The following EYS variants were observed in gnomAD, a reference collection of about 807,000 sequenced individuals.
EYS encodes EGF-like photoreceptor maintenance factor, also known as protein eyes shut homolog.
Under a neutral mutation model 282.1 loss-of-function variants are expected in EYS, and 250 were observed. The ratio of observed to expected loss-of-function variants is 0.89; its 90% CI spans 0.80 to 0.98. The LOEUF (loss-of-function observed/expected upper bound fraction) is 0.98. EYS is among the 50% of genes least tolerant of loss of function. The probability of loss-of-function intolerance (pLI) is 0.00; values close to 1 mark genes in which losing one functional copy is unlikely to be tolerated. For missense variants in EYS, 4,016 were observed against 3,709.0 expected (o/e 1.08, Z -2.15); for synonymous variants, 1,355 against 1,282.9 (o/e 1.06, Z -1.20).
chr6:64,822,525 A>C, intron 20 of EYS, 126 bp downstream of exon 20: 1 of 770,398 alleles, frequency 1.3e-6, no homozygotes, highest in South Asian at 2.1e-5. Flanking sequence ...TCTTAAATGT[A>C]CTTAGCTCTT....
chr6:64,421,861 G>A (rs4098453), intron 28 of EYS, among the ~76,000 whole-genome samples: 6,957 of 64,102 alleles, frequency 0.11, 209 homozygotes, highest in African/African-American at 0.21. Flanking sequence ...TGTTTGGGGG[G>A]TGTGTGTGTG....
chr6:64,515,740 T>C lies in EYS; in HGVS notation c.5644+74483A>G, dbSNP rs190767001. 9.2e-5 allele frequency among the ~76,000 whole-genome samples: 14 copies of C among 151,730 alleles called. No homozygotes were observed. The East Asian group carries it at 2.7e-3, about 29-fold the overall frequency. ...CTAAATTTCCACTTAATATAATTTT[T>C]TAAAGAAATTAATACATTTTTAAAA... On this transcript the variant is annotated intron_variant, in intron 26 of 42. Coordinates refer to ENST00000503581, the MANE Select transcript of EYS (RefSeq NM_001142800.2).
At chr6:64,347,964 T>C (rs113813003) in intron 29 of EYS, among the ~76,000 whole-genome samples, 2,000 of 151,476 alleles carry the variant, frequency 0.013, 42 homozygotes, top group African/African-American at 0.045. Context: ...GTATTAAAGA[T>C]AAAGATACAC....
intron 35 of EYS, among the ~76,000 whole-genome samples, chr6:63,969,104 A>G (rs1261823224): frequency 6.6e-6 from 1 of 152,182 alleles, no homozygotes; most frequent in African/African-American, 2.4e-5. Context: ...ATATAGCATC[A>G]ATATATTTTG....
chr6:64,090,905 G>A (rs1772335539), intron 31 of EYS, among the ~76,000 whole-genome samples: 1 of 152,002 alleles, frequency 6.6e-6, no homozygotes, highest in South Asian at 2.1e-4. Context: ...TATCTCCTCT[G>A]TTAATTACTG....
At chr6:64,640,361 C>T (rs529610204) in intron 22 of EYS, among the ~76,000 whole-genome samples, 1 of 152,188 alleles carries the variant, frequency 6.6e-6, no homozygotes, top group Admixed American at 6.5e-5. Context: ...AAATGTGGCA[C>T]ATATACACCA....
intron 28 of EYS, among the ~76,000 whole-genome samples, chr6:64,422,665 T>C (rs1774273233): frequency 6.6e-6 from 1 of 152,214 alleles, no homozygotes; most frequent in South Asian, 2.1e-4. Flanking sequence ...TGATTATTAT[T>C]ATCACATTAG....
At chr6:64,288,389 C>T (rs1393769059) in intron 30 of EYS, among the ~76,000 whole-genome samples, 2 of 152,176 alleles carry the variant, frequency 1.3e-5, no homozygotes, top group African/African-American at 4.8e-5. Context: ...GTGGAATGTA[C>T]CACTCATATA....
intron 1 of EYS, among the ~76,000 whole-genome samples, chr6:65,646,155 G>A (rs144735453): frequency 0.01 from 1,592 of 152,006 alleles, 10 homozygotes; most frequent in Non-Finnish European, 0.015. Context: ...AAAGAAAGAC[G>A]GAATCCTCCC....
chr6:63,867,047 G>A (rs1019532645), intron 35 of EYS, among the ~76,000 whole-genome samples: 6 of 152,162 alleles, frequency 3.9e-5, no homozygotes, highest in African/African-American at 4.8e-5. Flanking sequence ...TACCAAGCCT[G>A]CTGTTTTCTC....
intron 41 of EYS, among the ~76,000 whole-genome samples, chr6:63,743,175 T>G (rs997043248): frequency 7.2e-5 from 11 of 152,244 alleles, no homozygotes; most frequent in African/African-American, 2.7e-4. Flanking sequence ...TTCCAGTAGA[T>G]GCATAGTGAT....
At chr6:65,079,708 C>T in intron 12 of EYS, among the ~76,000 whole-genome samples, 1 of 151,996 alleles carries the variant, frequency 6.6e-6, no homozygotes, top group African/African-American at 2.4e-5. Context: ...TCAAAATCTG[C>T]ATTGACTTTA....
At chr6:64,362,294 T>C (rs1772041601) in intron 29 of EYS, among the ~76,000 whole-genome samples, 1 of 151,866 alleles carries the variant, frequency 6.6e-6, no homozygotes, top group East Asian at 1.9e-4. Context: ...TTCTAGATCA[T>C]ATACTCTAAT....
intron 30 of EYS, among the ~76,000 whole-genome samples, chr6:64,291,454 A>C (rs1458546673): frequency 1.3e-5 from 2 of 152,080 alleles, no homozygotes; most frequent in Admixed American, 1.3e-4. Flanking sequence ...ATTTTCCTGA[A>C]TGTTTCATTT....
chr6:64,367,598 A>G (rs1013504625), intron 29 of EYS, among the ~76,000 whole-genome samples: 6 of 119,044 alleles, frequency 5.0e-5, no homozygotes, highest in Non-Finnish European at 1.1e-4. Context: ...ATAAACACCT[A>G]GTTGGATTTC....
chr6:65,333,789 C>A (rs1582151772), intron 11 of EYS, among the ~76,000 whole-genome samples: 1 of 151,444 alleles, frequency 6.6e-6, no homozygotes, highest in East Asian at 2.0e-4. Flanking sequence ...TAGTTTGATT[C>A]TTTTATAATT....
chr6:64,865,725 A>T (rs147781635), intron 19 of EYS, among the ~76,000 whole-genome samples: 12 of 152,256 alleles, frequency 7.9e-5, no homozygotes, highest in African/African-American at 2.2e-4. Context: ...GAAGGTAAGA[A>T]TGTAGAAACA....
chr6:65,492,682 C>A (rs1766093025), intron 4 of EYS, among the ~76,000 whole-genome samples: 2 of 152,106 alleles, frequency 1.3e-5, no homozygotes, highest in Admixed American at 1.3e-4. Context: ...ACCTGATATA[C>A]CCCAGCGGAA....
chr6:65,645,845 A>G (rs1479238882), intron 1 of EYS, among the ~76,000 whole-genome samples: 1 of 152,102 alleles, frequency 6.6e-6, no homozygotes, highest in Non-Finnish European at 1.5e-5. Context: ...AATGGGAGAT[A>G]TTACTATTGA....
Sources: gnomAD v4.1 joint callset for allele counts (sites outside exome capture counted in the v4.1 genomes callset) on GRCh38, gnomAD v4.1.1 for gene constraint, MANE v1.5 for transcripts, NCBI Gene and HGNC (gene_info 2026-07-23, HGNC 2026-07-21) for gene names.